The following RBP5 variants were observed in gnomAD, a reference collection of about 807,000 sequenced individuals.
RBP5 encodes the protein retinol binding protein 5, also known as retinol-binding protein 5.
In RBP5, 12 loss-of-function variants were observed where a neutral mutation model predicts 17.8. The observed-to-expected ratio is 0.67, with a 90% CI of 0.43 to 1.09. The LOEUF is 1.09. Among genes scored for constraint, RBP5 ranks in the 50% least tolerant of loss-of-function variants. RBP5 has a pLI of 0.00. For missense variants in RBP5, 172 were observed against 169.4 expected, an observed-to-expected ratio of 1.02 and a Z score of -0.09; for synonymous variants, 64 against 68.1, an observed-to-expected ratio of 0.94 and a Z score of 0.30.
At chr12:7,129,922 C>A (rs1040519571), upstream of RBP5, 9 of 549,464 alleles carry the variant, frequency 1.6e-5, no homozygotes, top group Non-Finnish European at 2.1e-5. This position sits in a 1 kb window ranked among gnomAD's most constrained non-coding sequence, Gnocchi z 5.5. Context: ...CCTCGCAGCC[C>A]TGGGCTACAA....
chr12:7,129,807 G>C, upstream of RBP5: 1 of 985,764 alleles, frequency 1.0e-6, no homozygotes, highest in Non-Finnish European at 1.2e-6. The surrounding 1 kb of genome is among the most constrained non-coding windows in gnomAD (Gnocchi z 5.5). Context: ...GTAGGCAGGA[G>C]GAGGCGGCCG....
In RBP5 at chr12:7,128,570, G is replaced by T; in HGVS notation, c.73+133C>A. 8.4e-7 allele frequency: 1 copy of T among 1,185,102 alleles called. No individual in the cohort carries two copies. The allele number at this position is 1,185,102 out of a possible 1,614,324, so 73.4% of individuals were successfully genotyped here. A position where few individuals can be genotyped will look rare whatever the true frequency, so the allele number is the denominator to read the frequency against. On this transcript the variant is annotated intron_variant, in intron 1 of 3. Coordinates refer to ENST00000266560, the MANE Select transcript of RBP5 (RefSeq NM_031491.4). This position sits in a 1 kb window ranked among gnomAD's most constrained non-coding sequence, Gnocchi z 5.3. Reference sequence around the variant, plus strand: ...AATGCCTGGTTAGAAATGGATCCCAGGTCTGGTGCCAGCCGCCTGAGCCTT... The same window carrying T: ...AATGCCTGGTTAGAAATGGATCCCATGTCTGGTGCCAGCCGCCTGAGCCTT...
chr12:7,127,237 G>A (rs964013642), intron 2 of RBP5, among the ~76,000 whole-genome samples: 2 of 151,962 alleles, frequency 1.3e-5, no homozygotes, highest in East Asian at 1.9e-4. Context: ...CAGGTGATCC[G>A]CCCGCCTTGG....
intron 2 of RBP5, among the ~76,000 whole-genome samples, chr12:7,126,510 G>GGTGGTGTGTGT (rs751535528): frequency 9.7e-4 from 127 of 131,102 alleles, no homozygotes; most frequent in African/African-American, 1.3e-3. Flanking sequence ...TGGTGGTGGT[G>GGTGGTGTGTGT]GTGTGTGTGT....
At chr12:7,122,294 CCT>C (rs1469846439), downstream of RBP5, 3 of 152,238 alleles carry the variant, frequency 2.0e-5, no homozygotes, top group Non-Finnish European at 4.4e-5. Context: ...ATAGTCCTCC[CCT>C]GATGCTTGTG....
chr12:7,128,317 G>C lies in RBP5; in HGVS notation c.175C>G (p.Arg59Gly), dbSNP rs759115714. 6.2e-7 allele frequency: 1 copy of C among 1,613,710 alleles called. No homozygotes were observed. The highest frequency in any genetic ancestry group is 1.3e-5 in the African/African-American group (1 of 74,782). ...HMTVRTLSTF[R>G]NYTVQFDVGV... ...ACATCAAACTGCACAGTGTAGTTTCGGAAGGTGCTGAGCGTCCTCACCGTC... is the reference window on the plus strand; with the variant it reads ...ACATCAAACTGCACAGTGTAGTTTCCGAAGGTGCTGAGCGTCCTCACCGTC... Residue 59 changes from arginine (R) to glycine (G), a missense_variant, in exon 2 of 4, where the codon CGA becomes GGA. Coordinates refer to ENST00000266560, the MANE Select transcript of RBP5 (RefSeq NM_031491.4). This position sits in a 1 kb window ranked among gnomAD's most constrained non-coding sequence, Gnocchi z 5.3.
chr12:7,129,546 T>G (rs1201993241), upstream of RBP5: 1 of 908,374 alleles, frequency 1.1e-6, no homozygotes, highest in African/African-American at 1.8e-5. The surrounding 1 kb of genome is among the most constrained non-coding windows in gnomAD (Gnocchi z 5.5). Context: ...CTTTTTGGCT[T>G]GGGACCCAGG....
rs1939223777 is a variant in RBP5 at position 7,128,767 on chromosome 12, G to C, written c.9C>G (p.Pro3=). MP[P]NLTGYYRFVS... ...CAAAGCGGTAGTAGCCAGTGAGGTT[G>C]GGAGGCATTGTGTGGATGAAGGTTT... Residue 3 remains proline (P), a synonymous_variant, in exon 1 of 4, where the codon CCC becomes CCG. Transcript: ENST00000266560. The surrounding 1 kb of genome is among the most constrained non-coding windows in gnomAD (Gnocchi z 5.3). 1 of 1,601,136 alleles carries C rather than the reference G, an allele frequency of 6.2e-7. No individual in the cohort carries two copies. The highest frequency in any genetic ancestry group is 1.3e-5 in the African/African-American group (1 of 74,762).
downstream of RBP5, among the ~76,000 whole-genome samples, chr12:7,119,741 C>T (rs140353928): frequency 1.2e-4 from 19 of 152,340 alleles, 1 homozygote; most frequent in East Asian, 3.7e-3. Context: ...GCGCACTCCA[C>T]TCCAGGTCCT....
upstream of RBP5, chr12:7,129,238 T>C (rs1403623255): frequency 1.7e-5 from 4 of 228,982 alleles, no homozygotes; most frequent in Non-Finnish European, 3.6e-5. The surrounding 1 kb of genome is among the most constrained non-coding windows in gnomAD (Gnocchi z 5.5). Context: ...GAGGCTGGTC[T>C]GGCTGTGTGA....
chr12:7,127,016 G>C (rs769735253), intron 2 of RBP5, among the ~76,000 whole-genome samples: 18 of 98,956 alleles, frequency 1.8e-4, no homozygotes, highest in Non-Finnish European at 2.8e-4. Context: ...TTTTGAGATA[G>C]AATTTCGCTC....
chr12:7,119,614 C>T (rs763587590), downstream of RBP5: 6 of 154,978 alleles, frequency 3.9e-5, no homozygotes, highest in Middle Eastern at 5.2e-4. Flanking sequence ...GGTAGTGGCA[C>T]TTGATGCCTT....
chr12:7,129,751 T>G (rs1939242600), upstream of RBP5: 1 of 985,266 alleles, frequency 1.0e-6, no homozygotes, highest in Admixed American at 6.2e-5. The surrounding 1 kb of genome is among the most constrained non-coding windows in gnomAD (Gnocchi z 5.5). Flanking sequence ...CTGGGCTTGG[T>G]TCATCATGGT....
At chr12:7,121,188 G>T (rs747534073), downstream of RBP5, among the ~76,000 whole-genome samples, 59 of 152,250 alleles carry the variant, frequency 3.9e-4, no homozygotes, top group Non-Finnish European at 6.6e-4. Context: ...TCGTCCGCAT[G>T]CTGGGGATAC....
chr12:7,125,862 A>C (rs777390734), intron 2 of RBP5, among the ~76,000 whole-genome samples: 2 of 152,220 alleles, frequency 1.3e-5, no homozygotes, highest in Non-Finnish European at 2.9e-5. Flanking sequence ...GAAAGGGTGT[A>C]AGTCAGAGAG....
At chr12:7,123,451 C>T (rs1024164187), downstream of RBP5, among the ~76,000 whole-genome samples, 4 of 152,180 alleles carry the variant, frequency 2.6e-5, no homozygotes, top group African/African-American at 9.7e-5. Flanking sequence ...ACACGGAGGA[C>T]AGGTCACCAT....
chr12:7,121,889 C>G (rs559088586), downstream of RBP5: 1 of 154,884 alleles, frequency 6.5e-6, no homozygotes, highest in Non-Finnish European at 1.5e-5. Flanking sequence ...CAAGTCAACT[C>G]CACAACTTTG....
downstream of RBP5, chr12:7,120,790 C>G (rs1939070318): frequency 6.5e-6 from 1 of 152,756 alleles, no homozygotes; most frequent in Non-Finnish European, 1.5e-5. Flanking sequence ...CTTTGGGAGG[C>G]TGAGGCGGGC....
In RBP5 at chr12:7,124,037, C is replaced by T; in HGVS notation, c.*84G>A. 4 of 1,339,584 alleles carry T rather than the reference C, an allele frequency of 3.0e-6. No individual in the cohort carries two copies. The Admixed American group carries it at 5.0e-5, about 17-fold the overall frequency. The allele number at this position is 1,339,584 out of a possible 1,614,324, so 83.0% of individuals were successfully genotyped here. ...GGTGGCCAGAGGAAGGGACAGCTGA[C>T]CTGGCACAATCTGGGCTTGAAGGGG... On this transcript the variant is annotated 3_prime_UTR_variant, in exon 4 of 4. Coordinates refer to ENST00000266560, the MANE Select transcript of RBP5 (RefSeq NM_031491.4). The surrounding 1 kb of genome is among the most constrained non-coding windows in gnomAD (Gnocchi z 5.3).
Sources: gnomAD v4.1 joint callset for allele counts (sites outside exome capture counted in the v4.1 genomes callset) on GRCh38, gnomAD v4.1.1 for gene constraint, Gnocchi (gnomAD v3.1) non-coding constraint, MANE v1.5 for transcripts, NCBI Gene and HGNC (gene_info 2026-07-23, HGNC 2026-07-21) for gene names.